The following CHP2 variants were observed in gnomAD, a reference collection of about 807,000 sequenced individuals.
The protein encoded by CHP2 is calcineurin like EF-hand protein 2, also known as calcineurin B homologous protein 2.
In CHP2, 31 loss-of-function variants were observed where a neutral mutation model predicts 24.7. The ratio of observed to expected loss-of-function variants is 1.26; its 90% CI spans 0.94 to 1.69. The LOEUF (loss-of-function observed/expected upper bound fraction) is 1.69. CHP2 is among the 40% of genes most tolerant of loss of function. CHP2 has a pLI of 0.00. For synonymous variants in CHP2, 97 were observed against 99.1 expected, an observed-to-expected ratio of 0.98 and a Z score of 0.13; for missense variants, 319 against 261.5, an observed-to-expected ratio of 1.22 and a Z score of -1.52.
rs779665428 is a variant in CHP2, at chr16:23,755,677, G to A, written c.84G>A (p.Leu28=). The A allele has an allele frequency of 6.2e-7, 1 of 1,613,898 alleles. No individual in the cohort carries two copies. The highest frequency in any genetic ancestry group is 1.3e-5 in the African/African-American group (1 of 74,900). Residue 28 remains leucine (L), a synonymous_variant, in exon 2 of 7, where the codon CTG becomes CTA. Transcript: ENST00000300113. The part of the protein sequence containing the change: ...RRETGFSQAS[L]LRLHHRFRAL... ...TTCCCGCAGTCTCCCAAGCCAGCCT[G>A]CTCCGCCTGCACCACCGGTTCCGGG...
rs1961257183 is a variant in CHP2 at position 23,758,511 on chromosome 16, C to T, written c.*928C>T. 6.6e-6 allele frequency: 1 copy of T among 152,166 alleles called. No individual in the cohort carries two copies. The highest frequency in any genetic ancestry group is 2.4e-5 in the African/African-American group (1 of 41,444). The allele number at this position is 152,166 out of a possible 1,614,324, so 9.4% of individuals were successfully genotyped here. On this transcript the variant is annotated 3_prime_UTR_variant, in exon 7 of 7. Transcript: ENST00000300113. ...GTGATGGAGATGACCACCATCAGCT[C>T]CAGGCTTCTATCCTGCTAACCCAGT...
intron 1 of CHP2, 58 bp downstream of exon 1, chr16:23,755,174 G>T: frequency 1.5e-6 from 2 of 1,313,634 alleles, no homozygotes; most frequent in Non-Finnish European, 2.2e-6. Flanking sequence ...GGCGTCTGGG[G>T]CTAGGGAAGG....
intron 1 of CHP2, 154 bp downstream of exon 1, chr16:23,755,270 C>T (rs1961205739): frequency 3.2e-6 from 2 of 616,920 alleles, no homozygotes; most frequent in Non-Finnish European, 5.6e-6. Flanking sequence ...TGCCTGGGAT[C>T]GCTGGGTTAG....
At chr16:23,757,137 A>G in intron 5 of CHP2, 64 bp from the exon 6 acceptor site, 1 of 1,599,066 alleles carries the variant, frequency 6.3e-7, no homozygotes, top group Non-Finnish European at 8.6e-7. Context: ...GGCAAGGTTT[A>G]GGAGATGGGG....
Position 23,756,467 on chromosome 16 carries a change from G to A in CHP2, c.414+18G>A, listed in dbSNP as rs1295506759. The A allele has an allele frequency of 6.2e-7, 1 of 1,606,352 alleles. No individual in the cohort carries two copies. Among genetic ancestry groups the A allele is most frequent in the South Asian group, 1.1e-5 (1 of 90,894 alleles). Reference sequence around the variant, plus strand: ...TGCTGCAGGTTGGCAGAAAGCGAGAGCAAGAGATGTGATGTGTGAAGGATG... The same window carrying A: ...TGCTGCAGGTTGGCAGAAAGCGAGAACAAGAGATGTGATGTGTGAAGGATG... On this transcript the variant is annotated intron_variant, in intron 5 of 6. Transcript: ENST00000300113.
rs750493101 is a variant in CHP2, at chr16:23,756,448, A to C, written c.413A>C (p.Gln138Pro). The C allele has an allele frequency of 5.6e-6, 9 of 1,613,316 alleles. No individual in the cohort carries two copies. In the Admixed American group the frequency reaches 1.5e-4, roughly 27 times the overall value. Residue 138 changes from glutamine to proline, a missense_variant and splice_region_variant, in exon 5 of 7, where the codon CAG becomes CCG. Transcript: ENST00000300113. ...AAGATCTCCAGGCATGAGATGCTGCAGGTTGGCAGAAAGCGAGAGCAAGAG... is the reference window on the plus strand; with the variant it reads ...AAGATCTCCAGGCATGAGATGCTGCCGGTTGGCAGAAAGCGAGAGCAAGAG... ...DGKISRHEML[Q>P]VLRLMVGVQV...
Position 23,757,881 on chromosome 16 carries a change from A to G in CHP2, c.*298A>G, listed in dbSNP as rs1961248950. 1 of 428,372 alleles carries G rather than the reference A, an allele frequency of 2.3e-6. No individual in the cohort carries two copies. The highest frequency in any genetic ancestry group is 4.3e-6 in the Non-Finnish European group (1 of 232,092). The allele number at this position is 428,372 out of a possible 1,614,324, so 26.5% of individuals were successfully genotyped here. A position where few individuals can be genotyped will look rare whatever the true frequency, so the allele number is the denominator to read the frequency against. On this transcript the variant is annotated 3_prime_UTR_variant, in exon 7 of 7. Transcript: ENST00000300113. The stretch of plus-strand genomic sequence containing the variant: ...TTCTATTATGATTACATTGTAATAT[A>G]TAATGAAATAATTATACAACTCACC...
At position 23,755,846 on chromosome 16, in the gene CHP2, G is replaced by C. The variant is rs763409804; in HGVS notation, c.141-1G>C. The C allele has an allele frequency of 6.2e-7, 1 of 1,614,182 alleles. No individual in the cohort carries two copies. Among genetic ancestry groups the C allele is most frequent in the South Asian group, 1.1e-5 (1 of 91,086 alleles). ...ACCCTCTTTGAAATTTGGCTTTGCAGCCGCATGGATCTCCAGCAGATAGGG... is the reference window on the plus strand; with the variant it reads ...ACCCTCTTTGAAATTTGGCTTTGCACCCGCATGGATCTCCAGCAGATAGGG... On this transcript the variant is annotated splice_acceptor_variant, in intron 2 of 6. Transcript: ENST00000300113. LOFTEE classifies it high-confidence loss of function.
intron 5 of CHP2, among the ~76,000 whole-genome samples, chr16:23,756,965 A>C (rs1271585342): frequency 6.6e-6 from 1 of 152,026 alleles, no homozygotes. Flanking sequence ...TTGGGTGATA[A>C]AGTTGGGTAA....
Position 23,756,438 on chromosome 16 carries a change from G to A in CHP2, c.403G>A (p.Glu135Lys). 2 of 1,613,910 alleles carry A rather than the reference G, an allele frequency of 1.2e-6. No homozygotes were observed. The highest frequency in any genetic ancestry group is 8.5e-7 in the Non-Finnish European group (1 of 1,179,850). ...LDRDGKISRH[E>K]MLQVLRLMVG... is the part of the protein sequence containing the mutation. ...TCGCGATGGGAAGATCTCCAGGCAT[G>A]AGATGCTGCAGGTTGGCAGAAAGCG... The change falls in exon 5 of 7, where the codon GAG becomes AAG. Residue 135 changes from glutamate (E) to lysine (K), a missense_variant. Physicochemically the swap from Glu to Lys is moderately conservative, Grantham distance 56. Coordinates refer to ENST00000300113, the MANE Select transcript of CHP2 (RefSeq NM_022097.4).
Position 23,756,126 on chromosome 16 carries a change from T to G in CHP2, c.285T>G (p.Asp95Glu), listed in dbSNP as rs531642329. 6.2e-7 allele frequency: 1 copy of G among 1,614,118 alleles called. No homozygotes were observed. The highest frequency in any genetic ancestry group is 8.5e-7 in the Non-Finnish European group (1 of 1,180,010). ...RVLAHFRPVE[D>E]EDTETQDPKK... is the part of the protein sequence containing the mutation. ...TGGCTCATTTTCGCCCTGTAGAAGA[T>G]GAGGACACAGAAACCCAAGACCCCA... is the stretch of plus-strand genomic sequence containing the variant. Residue 95 changes from aspartate (D) to glutamate (E), a missense_variant, in exon 4 of 7, where the codon GAT becomes GAG. Transcript: ENST00000300113.
chr16:23,757,182 C>T lies in CHP2; in HGVS notation c.415-19C>T. 1 of 1,613,916 alleles carries T rather than the reference C, an allele frequency of 6.2e-7. No individual in the cohort carries two copies. The highest frequency in any genetic ancestry group is 1.3e-5 in the African/African-American group (1 of 74,990). On this transcript the variant is annotated intron_variant, in intron 5 of 6. Coordinates refer to ENST00000300113, the MANE Select transcript of CHP2 (RefSeq NM_022097.4). The stretch of plus-strand genomic sequence containing the variant: ...CTTCGTGCCCCCTCCTTATGGCTGC[C>T]TCTTCACTCATCTCTCAGGTTCTCC...
chr16:23,755,475 C>T, intron 1 of CHP2, 186 bp from the exon 2 acceptor site: 2 of 622,524 alleles, frequency 3.2e-6, no homozygotes, highest in South Asian at 3.8e-5. Context: ...GGGTCTTGAA[C>T]CTGGATCTTC....
At position 23,757,616 on chromosome 16, in the gene CHP2, C is replaced by G. The variant is rs1597178255; in HGVS notation, c.*33C>G. The G allele has an allele frequency of 8.2e-6, 13 of 1,592,662 alleles. No homozygotes were observed. Among genetic ancestry groups the G allele is most frequent in the Non-Finnish European group, 9.5e-6 (11 of 1,160,692 alleles). On this transcript the variant is annotated 3_prime_UTR_variant, in exon 7 of 7. Coordinates refer to ENST00000300113, the MANE Select transcript of CHP2 (RefSeq NM_022097.4). ...TGTGCCTTGGGCTTGCTCCTGCAAC[C>G]AGTATCTCCTTGGAATTCATCCAAA...
chr16:23,755,736 G>A lies in CHP2; in HGVS notation c.140+3G>A. ...AGGAATAAGAAGGGCTACCTGAGGT[G>A]AGGGGGAGCCGGCCTCATAACTTCT... On this transcript the variant is annotated splice_donor_region_variant and intron_variant, in intron 2 of 6. Transcript: ENST00000300113. The A allele has an allele frequency of 6.2e-7, 1 of 1,614,182 alleles. No homozygotes were observed. Among genetic ancestry groups the A allele is most frequent in the African/African-American group, 1.3e-5 (1 of 75,066 alleles).
In CHP2 at chr16:23,758,786, C is replaced by G. The variant is rs1020754083; in HGVS notation, c.*1203C>G. 6.6e-6 allele frequency: 1 copy of G among 152,144 alleles called. No individual in the cohort carries two copies. The highest frequency in any genetic ancestry group is 2.4e-5 in the African/African-American group (1 of 41,422). 9.4% of individuals were successfully genotyped at this position (152,144 alleles called of 1,614,324 possible). On this transcript the variant is annotated 3_prime_UTR_variant, in exon 7 of 7. Transcript: ENST00000300113. ...AAACGAGTGGTCTGCTCTGCTCGGG[C>G]AAAACAAGAGATGCCCATTACTGTG...
Position 23,756,055 on chromosome 16 carries a change from CT to C in CHP2, c.222-7del, listed in dbSNP as rs1472332929. ...ACCACCTCTTTCCATTCTGTCCCGT[CT>C]CCCCAGGAGCCAGCGAGTGGATTTC... On this transcript the variant is annotated splice_region_variant and splice_polypyrimidine_tract_variant and intron_variant, in intron 3 of 6. Coordinates refer to ENST00000300113, the MANE Select transcript of CHP2 (RefSeq NM_022097.4). 1.5e-5 allele frequency: 25 copies of C among 1,613,914 alleles called. No individual in the cohort carries two copies. The highest frequency in any genetic ancestry group is 1.7e-4 in the Middle Eastern group (1 of 6,060).
At chr16:23,755,784 T>A in intron 2 of CHP2, 51 bp downstream of exon 2, 1 of 1,613,308 alleles carries the variant, frequency 6.2e-7, no homozygotes, top group Non-Finnish European at 8.5e-7. Flanking sequence ...TCTGACTCCA[T>A]GTCCCTCTTT....
At position 23,756,131 on chromosome 16, in the gene CHP2, A is replaced by G; in HGVS notation, c.290A>G (p.Asp97Gly). 3 of 1,614,160 alleles carry G rather than the reference A, an allele frequency of 1.9e-6. No individual in the cohort carries two copies. The highest frequency in any genetic ancestry group is 2.5e-6 in the Non-Finnish European group (3 of 1,180,028). ...LAHFRPVEDE[D>G]TETQDPKKPE... ...CATTTTCGCCCTGTAGAAGATGAGG[A>G]CACAGAAACCCAAGACCCCAAGAAA... Residue 97 changes from aspartate to glycine, a missense_variant, in exon 4 of 7, where the codon GAC (aspartate) becomes GGC (glycine). Coordinates refer to ENST00000300113, the MANE Select transcript of CHP2 (RefSeq NM_022097.4).
Sources: gnomAD v4.1 joint callset for allele counts (sites outside exome capture counted in the v4.1 genomes callset) on GRCh38, gnomAD v4.1.1 for gene constraint, MANE v1.5 for transcripts, NCBI Gene and HGNC (gene_info 2026-07-23, HGNC 2026-07-21) for gene names.